The following CPA6 variants were observed in gnomAD, a reference collection of about 807,000 sequenced individuals.
CPA6 encodes the protein carboxypeptidase B.
Under a neutral mutation model 63.3 loss-of-function variants are expected in CPA6, and 58 were observed. That is an observed-to-expected ratio of 0.92 (90% CI 0.74 to 1.14). The LOEUF (loss-of-function observed/expected upper bound fraction) is 1.14, where lower values mean the gene tolerates loss of function less well. CPA6 is among the 50% of genes most tolerant of loss of function. CPA6 has a pLI of 0.00. For synonymous variants in CPA6, 185 were observed against 179.0 expected, an observed-to-expected ratio of 1.03 and a Z score of -0.27; for missense variants, 565 against 526.6, an observed-to-expected ratio of 1.07 and a Z score of -0.71.
At chr8:67,495,524 A>G (rs775217203) in intron 6 of CPA6, among the ~76,000 whole-genome samples, 23 of 152,020 alleles carry the variant, frequency 1.5e-4, no homozygotes, top group Non-Finnish European at 2.8e-4. Context: ...CCATTCCTAC[A>G]TCCACTCTTC....
intron 1 of CPA6, among the ~76,000 whole-genome samples, chr8:67,678,493 A>T (rs551210910): frequency 2.9e-4 from 44 of 152,330 alleles, no homozygotes; most frequent in African/African-American, 1.0e-3. Flanking sequence ...ATGAAAAGAG[A>T]TAACAAAATG....
intron 1 of CPA6, among the ~76,000 whole-genome samples, chr8:67,631,672 C>T (rs1292829747): frequency 1.3e-5 from 2 of 152,218 alleles, no homozygotes; most frequent in African/African-American, 4.8e-5. Context: ...TTCTCTTCCA[C>T]CCTGTGTAAA....
chr8:67,543,258 T>C (rs958754737), intron 2 of CPA6, among the ~76,000 whole-genome samples: 1 of 152,262 alleles, frequency 6.6e-6, no homozygotes, highest in Admixed American at 6.5e-5. Context: ...CTATTTCAAG[T>C]CACTTATGTT....
intron 2 of CPA6, among the ~76,000 whole-genome samples, chr8:67,609,421 T>A (rs568035545): frequency 4.9e-4 from 75 of 152,204 alleles, no homozygotes; most frequent in Non-Finnish European, 8.7e-4. Flanking sequence ...CACTTATGGT[T>A]GTGTGATATA....
rs1049936493 is a variant in CPA6, at chr8:67,517,454, C to T, written c.317+469G>A. ...CTGCCCCTGCACATAAGATTTCCCA[C>T]AATCTGAACTCCCTGTTTCTCCAGC... On this transcript the variant is annotated intron_variant, in intron 3 of 10. Transcript: ENST00000297770. Among the ~76,000 whole-genome samples, 9 of 152,202 alleles carry T rather than the reference C, an allele frequency of 5.9e-5. No homozygotes were observed. The East Asian group carries it at 1.2e-3, about 20-fold the overall frequency.
At chr8:67,733,775 G>A (rs1817760427) in intron 1 of CPA6, among the ~76,000 whole-genome samples, 1 of 151,314 alleles carries the variant, frequency 6.6e-6, no homozygotes, top group African/African-American at 2.4e-5. Context: ...GTGGGGGCGG[G>A]ATCAGGAACC....
At chr8:67,742,935 T>C (rs1817939779) in intron 1 of CPA6, among the ~76,000 whole-genome samples, 1 of 152,202 alleles carries the variant, frequency 6.6e-6, no homozygotes, top group African/African-American at 2.4e-5. Context: ...ATTTTAAAAA[T>C]CTACCCTAAT....
intron 2 of CPA6, among the ~76,000 whole-genome samples, chr8:67,562,625 T>C (rs1813240632): frequency 6.6e-6 from 1 of 152,160 alleles, no homozygotes; most frequent in Non-Finnish European, 1.5e-5. Context: ...GGTGACGCTT[T>C]TGGGAGGTGA....
At chr8:67,466,532 G>T (rs897782387) in intron 8 of CPA6, among the ~76,000 whole-genome samples, 20 of 152,030 alleles carry the variant, frequency 1.3e-4, no homozygotes, top group African/African-American at 4.8e-4. Context: ...TGTTTTTCTA[G>T]TTGCTGTAGG....
At chr8:67,500,601 C>T (rs745783546) in intron 6 of CPA6, among the ~76,000 whole-genome samples, 4 of 151,978 alleles carry the variant, frequency 2.6e-5, no homozygotes, top group South Asian at 2.1e-4. Context: ...AATCAAAGAA[C>T]GCTTTGTCTT....
At chr8:67,546,165 T>C (rs897603486) in intron 2 of CPA6, among the ~76,000 whole-genome samples, 1 of 152,176 alleles carries the variant, frequency 6.6e-6, no homozygotes, top group African/African-American at 2.4e-5. Flanking sequence ...ATGTGGGGTC[T>C]AATGTAAGAA....
chr8:67,744,914 A>G (rs1159881844), intron 1 of CPA6, among the ~76,000 whole-genome samples: 1 of 152,188 alleles, frequency 6.6e-6, no homozygotes, highest in Non-Finnish European at 1.5e-5. Context: ...AACTGAGGAC[A>G]TGTTTCCAAA....
At chr8:67,642,638 T>C (rs764155878) in intron 1 of CPA6, among the ~76,000 whole-genome samples, 5 of 152,094 alleles carry the variant, frequency 3.3e-5, no homozygotes, top group Non-Finnish European at 7.4e-5. Context: ...ATGAGGGTAG[T>C]CCAATATATC....
intron 2 of CPA6, 72 bp downstream of exon 2, chr8:67,624,104 A>G: frequency 2.3e-6 from 2 of 868,384 alleles, no homozygotes. Flanking sequence ...CAATTATTCA[A>G]CTCCAGTCAG....
chr8:67,454,328 A>C (rs1246824778), intron 8 of CPA6, among the ~76,000 whole-genome samples: 1 of 152,226 alleles, frequency 6.6e-6, no homozygotes, highest in African/African-American at 2.4e-5. Context: ...TCTGGATTTT[A>C]TGTAGCTGTG....
chr8:67,743,157 T>C (rs995591039), intron 1 of CPA6, among the ~76,000 whole-genome samples: 3 of 152,204 alleles, frequency 2.0e-5, no homozygotes, highest in Non-Finnish European at 4.4e-5. Context: ...AAAGTACCAA[T>C]AAATATAATC....
intron 1 of CPA6, among the ~76,000 whole-genome samples, chr8:67,697,262 A>G (rs1816929073): frequency 6.6e-6 from 1 of 152,232 alleles, no homozygotes; most frequent in African/African-American, 2.4e-5. Flanking sequence ...GCTGCTCTCC[A>G]CGGAAGTAGT....
chr8:67,729,234 C>T (rs1456745438), intron 1 of CPA6, among the ~76,000 whole-genome samples: 1 of 152,170 alleles, frequency 6.6e-6, no homozygotes, highest in African/African-American at 2.4e-5. Flanking sequence ...TTCATTAGCT[C>T]TGGCAATATT....
intron 8 of CPA6, among the ~76,000 whole-genome samples, chr8:67,440,290 G>C (rs1810261149): frequency 6.6e-6 from 1 of 152,078 alleles, no homozygotes; most frequent in African/African-American, 2.4e-5. Flanking sequence ...ATGTTCTGAG[G>C]CCAGGTATGG....
Sources: gnomAD v4.1 joint callset for allele counts (sites outside exome capture counted in the v4.1 genomes callset) on GRCh38, gnomAD v4.1.1 for gene constraint, MANE v1.5 for transcripts, NCBI Gene and HGNC (gene_info 2026-07-23, HGNC 2026-07-21) for gene names.